THSD7A: variants seen among roughly 807,000 people sequenced by gnomAD.
THSD7A encodes the protein thrombospondin type 1 domain containing 7A.
Under a neutral mutation model 231.3 loss-of-function variants are expected in THSD7A, and 96 were observed. The observed-to-expected ratio is 0.41, with a 90% confidence interval of 0.35 to 0.49. THSD7A has a LOEUF of 0.49. THSD7A is among the 20% of genes least tolerant of loss of function. The pLI, the probability that THSD7A is intolerant of heterozygous loss-of-function variation, is 0.05. For synonymous variants in THSD7A, 940 were observed against 743.3 expected (o/e 1.26, Z -4.30); for missense variants, 2,290 against 2,070.2 (o/e 1.11, Z -2.06).
chr7:11,492,120 C>T (rs1390092862), intron 6 of THSD7A, among the ~76,000 whole-genome samples: 1 of 152,012 alleles, frequency 6.6e-6, no homozygotes, highest in Non-Finnish European at 1.5e-5. Context: ...CCATCTGCCC[C>T]CACTTGACAC....
In THSD7A at chr7:11,522,007, T is replaced by C. The variant is rs573250114; in HGVS notation, c.1822+19412A>G. On this transcript the variant is annotated intron_variant, in intron 6 of 27. Transcript: ENST00000423059. ...ATAGGATTGAGCTACATTTCTAATA[T>C]TAAAATTAAGAGTTTCTAAGCTCTT... Among the ~76,000 whole-genome samples the C allele has an allele frequency of 1.3e-5, 2 of 152,262 alleles. 1 individual carries two copies. The highest frequency in any genetic ancestry group is 4.2e-4 in the South Asian group (2 of 4,818).
intron 14 of THSD7A, among the ~76,000 whole-genome samples, chr7:11,428,081 G>T (rs908175665): frequency 3.3e-5 from 5 of 152,148 alleles, no homozygotes; most frequent in African/African-American, 1.2e-4. Context: ...AGGAAAGTAT[G>T]TATACAGGTA....
chr7:11,580,653 G>A (rs953975422), intron 4 of THSD7A, among the ~76,000 whole-genome samples: 2 of 152,098 alleles, frequency 1.3e-5, no homozygotes, highest in South Asian at 2.1e-4. Flanking sequence ...AATACTGCAT[G>A]TTCTTACTTA....
At chr7:11,736,697 T>C (rs1285176200) in intron 1 of THSD7A, among the ~76,000 whole-genome samples, 1 of 152,010 alleles carries the variant, frequency 6.6e-6, no homozygotes, top group Non-Finnish European at 1.5e-5. Flanking sequence ...TCCTCCTGTA[T>C]ATAAGTGGAA....
chr7:11,767,047 T>C (rs1325390073), intron 1 of THSD7A, among the ~76,000 whole-genome samples: 1 of 152,182 alleles, frequency 6.6e-6, no homozygotes, highest in African/African-American at 2.4e-5. Context: ...CTTCTTTTAA[T>C]GATTTGGGAA....
chr7:11,479,111 C>T (rs1403683341), intron 7 of THSD7A, among the ~76,000 whole-genome samples: 1 of 152,026 alleles, frequency 6.6e-6, no homozygotes, highest in Non-Finnish European at 1.5e-5. Flanking sequence ...GACAAATTGC[C>T]CTGTAGAGTT....
chr7:11,673,122 C>G (rs1783469967), intron 1 of THSD7A, among the ~76,000 whole-genome samples: 1 of 152,048 alleles, frequency 6.6e-6, no homozygotes, highest in Non-Finnish European at 1.5e-5. Flanking sequence ...AGACACTATG[C>G]TTGAAGAGGG....
chr7:11,680,508 AAAAC>A (rs1432600160), intron 1 of THSD7A, among the ~76,000 whole-genome samples: 1 of 152,206 alleles, frequency 6.6e-6, no homozygotes, highest in Non-Finnish European at 1.5e-5. Flanking sequence ...TTTACAAGAA[AAAAC>A]AAACAACCCC....
chr7:11,783,004 C>T (rs373435298), intron 1 of THSD7A, among the ~76,000 whole-genome samples: 3 of 151,976 alleles, frequency 2.0e-5, no homozygotes, highest in Admixed American at 6.6e-5. Flanking sequence ...TTTGAGTGTG[C>T]GAACCATATT....
Position 11,541,443 on chromosome 7 carries a change from C to G in THSD7A, c.1798G>C (p.Glu600Gln), listed in dbSNP as rs1271538522. 1 of 1,613,998 alleles carries G rather than the reference C, an allele frequency of 6.2e-7. No homozygotes were observed. The highest frequency in any genetic ancestry group is 8.5e-7 in the Non-Finnish European group (1 of 1,179,886). Residue 600 changes from glutamate to glutamine, a missense_variant, in exon 6 of 28, where the codon GAG becomes CAG. Glu to Gln is a conservative substitution (Grantham distance 29, BLOSUM62 2). Transcript: ENST00000423059. ...KECGPGTQVQ[E>Q]VVCINSDGEE... ...CCATCACTGTTGATGCACACAACCT[C>G]TTGAACTTGCGTGCCTGGACCACAC...
intron 6 of THSD7A, among the ~76,000 whole-genome samples, chr7:11,524,620 G>A (rs1481836912): frequency 4.6e-5 from 7 of 152,086 alleles, no homozygotes; most frequent in South Asian, 2.1e-4. Context: ...CTAGCCAGCC[G>A]GAAACAGAGC....
chr7:11,595,075 G>C (rs1405436992), intron 2 of THSD7A, among the ~76,000 whole-genome samples: 1 of 152,140 alleles, frequency 6.6e-6, no homozygotes, highest in Non-Finnish European at 1.5e-5. Context: ...TTCCACCTTT[G>C]TCTGAGGAGA....
At chr7:11,597,485 C>T (rs907266189) in intron 2 of THSD7A, among the ~76,000 whole-genome samples, 1 of 152,158 alleles carries the variant, frequency 6.6e-6, no homozygotes, top group African/African-American at 2.4e-5. Context: ...TACGACCCCC[C>T]ATATCCAATG....
chr7:11,381,105 C>T lies in THSD7A; in HGVS notation c.4508-1393G>A, dbSNP rs560014905. 9.9e-5 allele frequency among the ~76,000 whole-genome samples: 15 copies of T among 152,172 alleles called. No homozygotes were observed. In the South Asian group the frequency reaches 3.1e-3, roughly 32 times the overall value. On this transcript the variant is annotated intron_variant, in intron 24 of 27. Transcript: ENST00000423059. ...AAAAAAGAATGGAGACATTCGTTTC[C>T]AATCTCTGAGCTCAATGGATGACTT...
chr7:11,669,265 G>A (rs1433867101), intron 1 of THSD7A, among the ~76,000 whole-genome samples: 1 of 152,076 alleles, frequency 6.6e-6, no homozygotes, highest in East Asian at 1.9e-4. Context: ...CTCCCAACAG[G>A]AAATGTTTCT....
chr7:11,806,705 G>T (rs1784407188), intron 1 of THSD7A, among the ~76,000 whole-genome samples: 1 of 152,116 alleles, frequency 6.6e-6, no homozygotes, highest in Admixed American at 6.6e-5. Context: ...ACAGAGCATT[G>T]TTCAGAACCT....
intron 1 of THSD7A, among the ~76,000 whole-genome samples, chr7:11,763,299 C>A (rs1782925030): frequency 6.6e-6 from 1 of 152,126 alleles, no homozygotes; most frequent in Admixed American, 6.6e-5. Context: ...TCTACCTTAC[C>A]AACTCTTTTC....
chr7:11,777,414 TACACACAC>T (rs66487858), intron 1 of THSD7A, among the ~76,000 whole-genome samples: 34,171 of 146,756 alleles, frequency 0.23, 4,026 homozygotes, highest in Middle Eastern at 0.34. Flanking sequence ...GTAAATTAAG[TACACACAC>T]ACACACACAC....
chr7:11,571,574 C>G (rs902392934), intron 4 of THSD7A, among the ~76,000 whole-genome samples: 3 of 152,160 alleles, frequency 2.0e-5, no homozygotes, highest in African/African-American at 7.2e-5. Flanking sequence ...GATCACATGG[C>G]TCAGGTAATC....
Sources: gnomAD v4.1 joint callset for allele counts (sites outside exome capture counted in the v4.1 genomes callset) on GRCh38, gnomAD v4.1.1 for gene constraint, MANE v1.5 for transcripts, NCBI Gene and HGNC (gene_info 2026-07-23, HGNC 2026-07-21) for gene names.